The following TMEM120B variants were observed in gnomAD, a reference collection of about 807,000 sequenced individuals.
TMEM120B encodes the protein transmembrane protein 120B.
Under a neutral mutation model 55.5 loss-of-function variants are expected in TMEM120B, and 31 were observed. The observed-to-expected ratio is 0.56, with a 90% CI of 0.42 to 0.75. TMEM120B has a LOEUF of 0.75. Ranked by LOEUF, TMEM120B falls within the 30% of genes least tolerant of loss-of-function variation. The probability of loss-of-function intolerance (pLI) is 0.00; values close to 1 mark genes in which losing one functional copy is unlikely to be tolerated. For missense variants in TMEM120B, 399 were observed against 425.5 expected (o/e 0.94, Z 0.55); for synonymous variants, 203 against 176.3 (o/e 1.15, Z -1.20).
Position 121,775,083 on chromosome 12 carries a change from G to A in TMEM120B, c.859G>A (p.Val287Ile), listed in dbSNP as rs770762717. 53 of 1,598,288 alleles carry A rather than the reference G, an allele frequency of 3.3e-5. No individual in the cohort carries two copies. Among genetic ancestry groups the A allele is most frequent in the East Asian group, 2.5e-4 (11 of 43,664 alleles). ...CCAGTTCTGGCAGCTCTACAATGCCGTCACGCTGTTTGAGCTCTCCAGCCA... is the reference window on the plus strand; with the variant it reads ...CCAGTTCTGGCAGCTCTACAATGCCATCACGCTGTTTGAGCTCTCCAGCCA... ...CGHFWQLYNA[V>I]TLFELSSHEE... The change falls in exon 11 of 12, where the codon GTC (valine) becomes ATC (isoleucine). Residue 287 changes from valine (V) to isoleucine (I), a missense_variant. Val to Ile is a conservative substitution (Grantham distance 29, BLOSUM62 3). Around this residue, in one of 3 missense-constraint regions of TMEM120B, gnomAD observed 260 missense variants for 303.9 expected, o/e 0.86. Transcript: ENST00000449592. The surrounding 1 kb of genome is among the most constrained non-coding windows in gnomAD (Gnocchi z 4.3).
Position 121,774,701 on chromosome 12 carries a change from G to C in TMEM120B, c.816G>C (p.Leu272=). Residue 272 remains leucine (L), a synonymous_variant, in exon 10 of 12, where the codon CTG becomes CTC. Transcript: ENST00000449592. ...SWMWRGLTFL[L]PFLFCGHFWQ... ...TGTGGCGGGGCCTCACCTTTCTCCT[G>C]CCCTTCCTCTTCTGTGGCCATGTGA... is the stretch of plus-strand genomic sequence containing the variant. 1 of 1,613,966 alleles carries C rather than the reference G, an allele frequency of 6.2e-7. No individual in the cohort carries two copies. Among genetic ancestry groups the C allele is most frequent in the Non-Finnish European group, 8.5e-7 (1 of 1,179,906 alleles).
At chr12:121,750,498 CCA>C (rs1873243479) in intron 4 of TMEM120B, 59 bp downstream of exon 4, 3 of 1,403,578 alleles carry the variant, frequency 2.1e-6, no homozygotes, top group Non-Finnish European at 3.0e-6. Context: ...ACACCCACAC[CCA>C]CACCCCAAAC....
intron 1 of TMEM120B, among the ~76,000 whole-genome samples, chr12:121,724,509 G>A (rs1264792049): frequency 6.6e-6 from 1 of 151,452 alleles, no homozygotes; most frequent in Non-Finnish European, 1.5e-5. Context: ...GTGAGAAGAT[G>A]GATGTTAATT....
chr12:121,761,836 C>G, intron 6 of TMEM120B, 98 bp downstream of exon 6: 2 of 913,768 alleles, frequency 2.2e-6, no homozygotes, highest in South Asian at 1.4e-5. Context: ...GGCTGCATTC[C>G]TCTCCTCCTT....
intron 1 of TMEM120B, among the ~76,000 whole-genome samples, chr12:121,731,001 C>T (rs2137047927): frequency 6.6e-6 from 1 of 151,846 alleles, no homozygotes; most frequent in Non-Finnish European, 1.5e-5. Context: ...ATTCCACTTA[C>T]AGGCGGTACC....
rs937008304 is a variant in TMEM120B at position 121,778,823 on chromosome 12, T to C, written c.*3101T>C. 1.5e-4 allele frequency: 23 copies of C among 152,440 alleles called. No individual in the cohort carries two copies. The highest frequency in any genetic ancestry group is 5.5e-4 in the African/African-American group (23 of 41,548). 9.4% of individuals were successfully genotyped at this position (152,440 alleles called of 1,614,324 possible). A position where few individuals can be genotyped will look rare whatever the true frequency, so the allele number is the denominator to read the frequency against. On this transcript the variant is annotated 3_prime_UTR_variant, in exon 12 of 12. Transcript: ENST00000449592. ...ACACTGGGGGCTTTGGGTGAAACCT[T>C]AAGGAGATGGTCAGATGGGTGGTCC...
intron 1 of TMEM120B, among the ~76,000 whole-genome samples, chr12:121,718,421 G>C (rs549577647): frequency 6.6e-6 from 1 of 152,154 alleles, no homozygotes; most frequent in Non-Finnish European, 1.5e-5. Context: ...CTGAAGAATC[G>C]CTTGAACCCA....
At chr12:121,755,676 G>C (rs1171860633) in intron 5 of TMEM120B, among the ~76,000 whole-genome samples, 1 of 152,118 alleles carries the variant, frequency 6.6e-6, no homozygotes, top group East Asian at 1.9e-4. Context: ...GTGATCCCAG[G>C]AGACACTGGT....
intron 6 of TMEM120B, among the ~76,000 whole-genome samples, chr12:121,763,884 C>A (rs1039507708): frequency 6.6e-6 from 1 of 152,186 alleles, no homozygotes; most frequent in Admixed American, 6.5e-5. Flanking sequence ...CACTTGTTTG[C>A]CTTGTGGTTT....
intron 1 of TMEM120B, among the ~76,000 whole-genome samples, chr12:121,742,729 A>G (rs1872968432): frequency 6.6e-6 from 1 of 151,936 alleles, no homozygotes; most frequent in Admixed American, 6.6e-5. Flanking sequence ...GGGATTACAG[A>G]CGCCCGCCTG....
At position 121,767,868 on chromosome 12, in the gene TMEM120B, G is replaced by C. The variant is rs372401543; in HGVS notation, c.552-3039G>C. On this transcript the variant is annotated intron_variant, in intron 6 of 11. Coordinates refer to ENST00000449592, the MANE Select transcript of TMEM120B (RefSeq NM_001080825.2). The stretch of plus-strand genomic sequence containing the variant: ...GAAAAGCTGCTGCTCAGTCAGGCTT[G>C]TTGCCTGGAGTCTGTGTCTGCCTCA... Among the ~76,000 whole-genome samples the C allele has an allele frequency of 3.9e-5, 6 of 152,354 alleles. No individual in the cohort carries two copies. In the East Asian group the frequency reaches 9.6e-4, roughly 24 times the overall value.
At chr12:121,761,771 A>C in intron 6 of TMEM120B, 33 bp downstream of exon 6, 1 of 1,570,418 alleles carries the variant, frequency 6.4e-7, no homozygotes, top group Non-Finnish European at 8.8e-7. Flanking sequence ...GGGGAGCACA[A>C]GAGGAGTTAA....
chr12:121,781,292 C>T lies in TMEM120B; in HGVS notation c.*5570C>T, dbSNP rs1014658700. ...CCAGGCAAGTGACCCTGCCTTAGGG[C>T]CTCAATTTCCTCATCTATACAATGG... On this transcript the variant is annotated 3_prime_UTR_variant, in exon 12 of 12. Coordinates refer to ENST00000449592, the MANE Select transcript of TMEM120B (RefSeq NM_001080825.2). 10 of 956,446 alleles carry T rather than the reference C, an allele frequency of 1.0e-5. No individual in the cohort carries two copies. In the South Asian group the frequency reaches 1.4e-4, roughly 13 times the overall value. 59.2% of individuals were successfully genotyped at this position (956,446 alleles called of 1,614,324 possible).
At chr12:121,757,581 A>G (rs547284347) in intron 5 of TMEM120B, among the ~76,000 whole-genome samples, 98 of 150,280 alleles carry the variant, frequency 6.5e-4, no homozygotes, top group African/African-American at 2.2e-3. Context: ...CAGTGGCACG[A>G]TCTTGGCTCA....
At position 121,780,969 on chromosome 12, in the gene TMEM120B, G is replaced by A; in HGVS notation, c.*5247G>A. ...TGTCTTGCAGCCGATGAGCACCATG[G>A]GGATCCCGCGGCAGAAATGCGTGAC... is the stretch of plus-strand genomic sequence containing the variant. On this transcript the variant is annotated 3_prime_UTR_variant, in exon 12 of 12. Transcript: ENST00000449592. The A allele has an allele frequency of 1.2e-6, 2 of 1,614,050 alleles. No homozygotes were observed. The highest frequency in any genetic ancestry group is 1.7e-6 in the Non-Finnish European group (2 of 1,179,956).
Position 121,748,383 on chromosome 12 carries a change from C to G in TMEM120B, c.246C>G (p.Asn82Lys). Reference sequence around the variant, plus strand: ...AGCTCGTTCAGCAGATGGCAGCGAACATCAAGGAGCGGCAGGACGTCTTCT... The same window carrying G: ...AGCTCGTTCAGCAGATGGCAGCGAAGATCAAGGAGCGGCAGGACGTCTTCT... ...EAELVQQMAA[N>K]IKERQDVFFD... is the part of the protein sequence containing the mutation. Residue 82 changes from asparagine to lysine, a missense_variant, in exon 3 of 12, where the codon AAC becomes AAG. Coordinates refer to ENST00000449592, the MANE Select transcript of TMEM120B (RefSeq NM_001080825.2). The G allele has an allele frequency of 6.2e-7, 1 of 1,611,054 alleles. No homozygotes were observed. The highest frequency in any genetic ancestry group is 8.5e-7 in the Non-Finnish European group (1 of 1,178,646).
intron 6 of TMEM120B, among the ~76,000 whole-genome samples, chr12:121,770,378 G>A (rs1444431417): frequency 6.6e-6 from 1 of 152,126 alleles, no homozygotes; most frequent in Non-Finnish European, 1.5e-5. Flanking sequence ...CTCTTCAAAG[G>A]CCCTGTCTTC....
Position 121,716,377 on chromosome 12 carries a change from G to A in TMEM120B, c.69+3413G>A, listed in dbSNP as rs1894703600. On this transcript the variant is annotated intron_variant, in intron 1 of 11. Coordinates refer to ENST00000449592, the MANE Select transcript of TMEM120B (RefSeq NM_001080825.2). Reference sequence around the variant, plus strand: ...CAGCAGGTAGGTAGGTGGGCACACTGAACTAGAAAGCTTAACAATAGGAAG... The same window carrying A: ...CAGCAGGTAGGTAGGTGGGCACACTAAACTAGAAAGCTTAACAATAGGAAG... Among the ~76,000 whole-genome samples, 9 of 151,216 alleles carry A rather than the reference G, an allele frequency of 6.0e-5. 1 individual carries two copies. In the South Asian group the frequency reaches 1.9e-3, roughly 32 times the overall value.
At chr12:121,715,635 A>T (rs1364861462) in intron 1 of TMEM120B, among the ~76,000 whole-genome samples, 2 of 151,910 alleles carry the variant, frequency 1.3e-5, no homozygotes, top group Non-Finnish European at 2.9e-5. Flanking sequence ...TACTTTGGGG[A>T]AGAGGGAGCC....
Sources: allele counts gnomAD v4.1 joint callset (sites outside exome capture counted in the v4.1 genomes callset), GRCh38; gene constraint gnomAD v4.1.1; regional missense constraint gnomAD v4.1.1; non-coding constraint Gnocchi (gnomAD v3.1); transcripts MANE v1.5; gene names NCBI Gene and HGNC (gene_info 2026-07-23, HGNC 2026-07-21).